PCLO: variants seen among roughly 807,000 people sequenced by gnomAD.
PCLO encodes protein piccolo.
PCLO carries 82 observed loss-of-function variants against 427.5 expected under a neutral mutation model. That is an observed-to-expected ratio of 0.19 (90% confidence interval 0.16 to 0.23). The LOEUF (loss-of-function observed/expected upper bound fraction) is 0.23. Ranked by LOEUF, PCLO falls within the 10% of genes least tolerant of loss-of-function variation. The pLI is 1.00. For missense variants in PCLO, 6,239 were observed against 6,115.9 expected, an observed-to-expected ratio of 1.02 and a Z score of -0.67; for synonymous variants, 2,357 against 2,155.4, an observed-to-expected ratio of 1.09 and a Z score of -2.59.
rs781650638 is a variant in PCLO at position 83,156,296 on chromosome 7, A to G, written c.345T>C (p.Thr115=). 1 of 1,613,268 alleles carries G rather than the reference A, an allele frequency of 6.2e-7. No individual in the cohort carries two copies. The change falls in exon 2 of 25, where the codon ACT becomes ACC. Residue 115 remains threonine, a synonymous_variant. Transcript: ENST00000333891. ...PAQPGLSKSR[T]TDTFRSEQKL... ...TCTGCTCTGACCTGAAAGTGTCTGT[A>G]GTTCTACTTTTACTGAGACCAGGTT...
At position 82,960,268 on chromosome 7, in the gene PCLO, C is replaced by T. The variant is rs148093799; in HGVS notation, c.4018-3333G>A. Among the ~76,000 whole-genome samples the T allele has an allele frequency of 1.9e-3, 293 of 152,240 alleles. 1 individual carries two copies. The highest frequency in any genetic ancestry group is 6.7e-3 in the African/African-American group (279 of 41,540). On this transcript the variant is annotated intron_variant, in intron 4 of 24. Transcript: ENST00000333891. ...AGATTACTGATTTGAGTGTTTGAAA[C>T]ACTCCAAACAAAATTAAGCCAATAA...
At chr7:82,802,550 C>A (rs557181398) in intron 21 of PCLO, among the ~76,000 whole-genome samples, 1 of 152,168 alleles carries the variant, frequency 6.6e-6, no homozygotes, top group South Asian at 2.1e-4. Context: ...CTACATGGCA[C>A]ATGAAGAAGT....
intron 22 of PCLO, among the ~76,000 whole-genome samples, chr7:82,792,324 T>C (rs986457941): frequency 6.6e-6 from 1 of 152,014 alleles, no homozygotes; most frequent in Non-Finnish European, 1.5e-5. Context: ...GGTTGAATAA[T>C]TTTATGGCTC....
Position 83,134,567 on chromosome 7 carries a change from G to C in PCLO, c.2983C>G (p.Pro995Ala), listed in dbSNP as rs367751293. 66 of 1,613,800 alleles carry C rather than the reference G, an allele frequency of 4.1e-5. No individual in the cohort carries two copies. Among genetic ancestry groups the C allele is most frequent in the East Asian group, 2.5e-4 (11 of 44,854 alleles). The part of the protein sequence containing the change: ...QAPPAPAKSI[P>A]VKKETKAPAA... ...GGGGCTTTTGTTTCCTTTTTCACAG[G>C]TATACTTTTTGCAGGTGCTGGTGGT... is the stretch of plus-strand genomic sequence containing the variant. Residue 995 changes from proline to alanine, a missense_variant, in exon 3 of 25, where the codon CCT becomes GCT. By Grantham distance (27) the Pro-to-Ala change is conservative. Around this residue, in one of 5 missense-constraint regions of PCLO, gnomAD observed 4,677 missense variants for 4,468.4 expected, o/e 1.05. Transcript: ENST00000333891.
At chr7:82,873,803 C>T (rs1242869123) in intron 10 of PCLO, among the ~76,000 whole-genome samples, 2 of 145,932 alleles carry the variant, frequency 1.4e-5, no homozygotes, top group South Asian at 4.4e-4. Context: ...GGAAGATGGT[C>T]CTGTAGTTCT....
chr7:82,935,953 A>G (rs757641902), intron 6 of PCLO, among the ~76,000 whole-genome samples: 15 of 151,710 alleles, frequency 9.9e-5, no homozygotes, highest in Non-Finnish European at 1.6e-4. Flanking sequence ...ATGTAAAGTA[A>G]GAAAGCATTG....
chr7:83,147,575 T>C (rs898953865), intron 2 of PCLO, among the ~76,000 whole-genome samples: 1 of 152,172 alleles, frequency 6.6e-6, no homozygotes, highest in Non-Finnish European at 1.5e-5. Flanking sequence ...AGGCTTAAAA[T>C]ATTTCAAATC....
In PCLO at chr7:82,951,053, C is replaced by T. The variant is rs1215797936; in HGVS notation, c.9535G>A (p.Asp3179Asn). Residue 3179 changes from aspartate (D) to asparagine (N), a missense_variant, in exon 6 of 25, where the codon GAC (aspartate) becomes AAC (asparagine). Around this residue, in one of 5 missense-constraint regions of PCLO, gnomAD observed 4,677 missense variants for 4,468.4 expected, o/e 1.05. Transcript: ENST00000333891. ...GCTGTGGTTAAAGTGGGAACAGAGT[C>T]TATCGTCTCAGCAGTAAGAGACTCC... is the stretch of plus-strand genomic sequence containing the variant. ...TMESLTAETI[D>N]SVPTLTTASE... is the part of the protein sequence containing the mutation. 5.6e-6 allele frequency: 9 copies of T among 1,613,880 alleles called. 1 individual carries two copies. In the South Asian group the frequency reaches 8.8e-5, roughly 16 times the overall value.
chr7:83,055,479 T>C (rs1037609049), intron 3 of PCLO, among the ~76,000 whole-genome samples: 5 of 152,142 alleles, frequency 3.3e-5, no homozygotes, highest in Non-Finnish European at 7.4e-5. Context: ...AGTTGATCTA[T>C]TGCCCCCAAC....
At chr7:82,887,225 C>T (rs1300232723) in intron 9 of PCLO, among the ~76,000 whole-genome samples, 1 of 152,132 alleles carries the variant, frequency 6.6e-6, no homozygotes, top group Non-Finnish European at 1.5e-5. Flanking sequence ...GTAGGATGTC[C>T]AGCATACAAA....
intron 22 of PCLO, among the ~76,000 whole-genome samples, chr7:82,781,092 A>T (rs921732800): frequency 5.9e-5 from 9 of 152,106 alleles, no homozygotes; most frequent in Non-Finnish European, 1.2e-4. Context: ...AGAAATAAAT[A>T]AGCAGTAATT....
chr7:83,059,576 C>G (rs184019296), intron 3 of PCLO, among the ~76,000 whole-genome samples: 123 of 151,262 alleles, frequency 8.1e-4, no homozygotes, highest in Admixed American at 7.0e-3. Context: ...GCCTAAAATA[C>G]AGTCATGACA....
intron 22 of PCLO, among the ~76,000 whole-genome samples, chr7:82,782,659 T>C (rs969293702): frequency 4.6e-5 from 7 of 152,210 alleles, no homozygotes; most frequent in Non-Finnish European, 7.3e-5. Flanking sequence ...CTTTGAAACT[T>C]TTTTACGTTA....
chr7:83,097,038 T>A (rs868506492), intron 3 of PCLO, among the ~76,000 whole-genome samples: 589 of 58,552 alleles, frequency 0.01, 90 homozygotes, highest in Non-Finnish European at 0.011. Flanking sequence ...AAATATATAT[T>A]ATATATTATA....
Position 82,795,826 on chromosome 7 carries a change from T to C in PCLO, c.15007+5692A>G, listed in dbSNP as rs80175411. ...ATTTACACATCTTTTGTTAATTTTC[T>C]ACATCTATACTAAGAAAATATTCTT... On this transcript the variant is annotated intron_variant, in intron 22 of 24. Transcript: ENST00000333891. 7.5e-3 allele frequency among the ~76,000 whole-genome samples: 1,141 copies of C among 152,308 alleles called. 14 individuals carry two copies. Among genetic ancestry groups the C allele is most frequent in the African/African-American group, 0.026 (1,062 of 41,578 alleles).
intron 6 of PCLO, among the ~76,000 whole-genome samples, chr7:82,921,875 A>C (rs933762913): frequency 1.3e-5 from 2 of 151,574 alleles, no homozygotes; most frequent in Non-Finnish European, 2.9e-5. Flanking sequence ...CCTATAAGGC[A>C]CTTAACAAAA....
At chr7:83,004,166 C>G (rs183408832) in intron 3 of PCLO, among the ~76,000 whole-genome samples, 1 of 151,824 alleles carries the variant, frequency 6.6e-6, no homozygotes, top group African/African-American at 2.4e-5. Flanking sequence ...AAAATCCTAA[C>G]ATTTGTACGG....
At chr7:83,150,670 C>A (rs1164969879) in intron 2 of PCLO, among the ~76,000 whole-genome samples, 1 of 152,036 alleles carries the variant, frequency 6.6e-6, no homozygotes, top group Non-Finnish European at 1.5e-5. Flanking sequence ...CCATGATGGT[C>A]ACAAGCAAAT....
intron 6 of PCLO, among the ~76,000 whole-genome samples, chr7:82,934,432 G>A (rs1284228962): frequency 6.6e-6 from 1 of 151,826 alleles, no homozygotes; most frequent in Non-Finnish European, 1.5e-5. Context: ...CTGCCATGAT[G>A]ACAACTGTAA....
Sources: allele counts gnomAD v4.1 joint callset (sites outside exome capture counted in the v4.1 genomes callset), GRCh38; gene constraint gnomAD v4.1.1; regional missense constraint gnomAD v4.1.1; transcripts MANE v1.5; gene names NCBI Gene and HGNC (gene_info 2026-07-23, HGNC 2026-07-21).